OTUD7B: variants seen among roughly 807,000 people sequenced by gnomAD.
OTUD7B encodes the protein OTU domain-containing protein 7B.
In OTUD7B, 34 loss-of-function variants were observed where a neutral mutation model predicts 82.2. The ratio of observed to expected loss-of-function variants is 0.41; its 90% CI spans 0.31 to 0.55. The LOEUF (loss-of-function observed/expected upper bound fraction) is 0.55. OTUD7B is among the 20% of genes least tolerant of loss of function. The pLI, the probability that OTUD7B is intolerant of heterozygous loss-of-function variation, is 0.20. For synonymous variants in OTUD7B, 398 were observed against 402.7 expected, an observed-to-expected ratio of 0.99 and a Z score of 0.14; for missense variants, 944 against 1,062.1, an observed-to-expected ratio of 0.89 and a Z score of 1.55.
At chr1:150,026,519 G>A in the OTUD7B span, among the ~76,000 whole-genome samples, 1 of 152,110 alleles carries the variant, frequency 6.6e-6, no homozygotes, top group African/African-American at 2.4e-5. Context: ...AACCCAGCTT[G>A]TTTCAAGCAT....
At chr1:150,053,324 G>A in the OTUD7B span, among the ~76,000 whole-genome samples, 2 of 151,536 alleles carry the variant, frequency 1.3e-5, no homozygotes, top group East Asian at 1.9e-4. Context: ...GAACTTAAAC[G>A]AATTTACAAG....
chr1:149,957,876 C>T (rs1394509390), intron 7 of OTUD7B, among the ~76,000 whole-genome samples: 5 of 152,188 alleles, frequency 3.3e-5, no homozygotes, highest in African/African-American at 1.2e-4. Flanking sequence ...TTTGCTAAGA[C>T]CGTTGGAAAA....
chr1:149,971,177 G>T lies in OTUD7B; in HGVS notation c.160C>A (p.Pro54Thr). 6.2e-7 allele frequency: 1 copy of T among 1,613,778 alleles called. No homozygotes were observed. The highest frequency in any genetic ancestry group is 2.2e-5 in the East Asian group (1 of 44,888). ...CCACCACTCCCCTCACTAAAGGATG[G>T]GGGTAGGTTTCCAGCATGGACTTGA... is the stretch of plus-strand genomic sequence containing the variant. ...LRQVHAGNLPPSFSEGSGGSR... is the reference protein window; with the variant it reads ...LRQVHAGNLPTSFSEGSGGSR... Residue 54 changes from proline to threonine, a missense_variant, in exon 3 of 12, where the codon CCA becomes ACA. By Grantham distance (38) the Pro-to-Thr change is conservative. This residue lies in a region of OTUD7B where 530 missense variants were observed against 625.6 expected (regional missense o/e 0.85). Transcript: ENST00000581312.
the OTUD7B span, among the ~76,000 whole-genome samples, chr1:150,050,036 AC>A: frequency 6.6e-6 from 1 of 151,730 alleles, no homozygotes; most frequent in Admixed American, 6.6e-5. Context: ...GAACAGTGAG[AC>A]CCCCATCTGT....
the OTUD7B span, among the ~76,000 whole-genome samples, chr1:150,026,127 G>A: frequency 6.6e-6 from 1 of 152,218 alleles, no homozygotes; most frequent in East Asian, 1.9e-4. Context: ...GACTGAGAAA[G>A]TGCATGACCC....
At position 149,944,245 on chromosome 1, in the gene OTUD7B, A is replaced by G; in HGVS notation, c.2144T>C (p.Leu715Ser). ...GCCCCCGACACATGGACCCCCTGCC[A>G]ACTGCCTCCGGGGTTCCTGGCAGTG... ...GVHCQEPRRQLAGGPCVGGLP... is the reference protein window; with the variant it reads ...GVHCQEPRRQSAGGPCVGGLP... Residue 715 changes from leucine (L) to serine (S), a missense_variant, in exon 12 of 12, where the codon TTG (leucine) becomes TCG (serine). This residue lies in a region of OTUD7B where 412 missense variants were observed against 418.7 expected (regional missense o/e 0.98). Transcript: ENST00000581312. 6 of 1,612,442 alleles carry G rather than the reference A, an allele frequency of 3.7e-6. No homozygotes were observed. Among genetic ancestry groups the G allele is most frequent in the Non-Finnish European group, 5.1e-6 (6 of 1,179,000 alleles).
At chr1:149,984,829 T>A (rs965038774) in intron 1 of OTUD7B, among the ~76,000 whole-genome samples, 2 of 152,158 alleles carry the variant, frequency 1.3e-5, no homozygotes, top group African/African-American at 4.8e-5. Flanking sequence ...TCTTGCCTTA[T>A]CCACACAAAT....
intron 1 of OTUD7B, among the ~76,000 whole-genome samples, chr1:150,003,009 G>C (rs957405212): frequency 6.6e-6 from 1 of 152,124 alleles, no homozygotes; most frequent in African/African-American, 2.4e-5. Flanking sequence ...CCAGCACTTT[G>C]GGAGGCCGAG....
At chr1:149,945,653 G>A (rs1360289434) in intron 11 of OTUD7B, among the ~76,000 whole-genome samples, 1 of 152,128 alleles carries the variant, frequency 6.6e-6, no homozygotes, top group Non-Finnish European at 1.5e-5. Flanking sequence ...TGAATTAGGA[G>A]CTCTTTAAGC....
intron 7 of OTUD7B, among the ~76,000 whole-genome samples, chr1:149,951,721 T>A (rs587609216): frequency 6.6e-6 from 1 of 152,216 alleles, no homozygotes; most frequent in East Asian, 1.9e-4. Context: ...ATCAGCTTTT[T>A]AAATAACTCT....
At chr1:150,027,116 T>C in the OTUD7B span, among the ~76,000 whole-genome samples, 1 of 152,138 alleles carries the variant, frequency 6.6e-6, no homozygotes, top group South Asian at 2.1e-4. Context: ...TTGTGTTCTG[T>C]TGTGTTGTAT....
intron 1 of OTUD7B, among the ~76,000 whole-genome samples, chr1:149,994,993 T>C (rs1402842607): frequency 2.0e-5 from 3 of 152,196 alleles, no homozygotes; most frequent in African/African-American, 7.2e-5. Context: ...TTTGTTTACC[T>C]CAATCTTTTT....
chr1:150,049,036 C>T, the OTUD7B span, among the ~76,000 whole-genome samples: 24 of 152,170 alleles, frequency 1.6e-4, no homozygotes, highest in Admixed American at 1.4e-3. Context: ...TGAGGTTTCA[C>T]CATGTTGGCC....
chr1:149,950,487 T>C (rs1469684413), intron 7 of OTUD7B, among the ~76,000 whole-genome samples: 2 of 152,206 alleles, frequency 1.3e-5, no homozygotes, highest in African/African-American at 2.4e-5. Flanking sequence ...AGGTAATCCC[T>C]ATCTCTTAAT....
intron 9 of OTUD7B, 88 bp downstream of exon 9, chr1:149,949,541 T>C (rs1468388786): frequency 1.5e-6 from 2 of 1,358,338 alleles, no homozygotes; most frequent in African/African-American, 1.4e-5. Flanking sequence ...TGGGCTTGCA[T>C]GTCACTTAAT....
the OTUD7B span, among the ~76,000 whole-genome samples, chr1:150,016,032 A>G: frequency 6.6e-6 from 1 of 152,234 alleles, no homozygotes; most frequent in African/African-American, 2.4e-5. Flanking sequence ...GGCCAGACTG[A>G]CATACTGAGG....
chr1:150,011,942 T>A (rs1653086827), upstream of OTUD7B, among the ~76,000 whole-genome samples: 9 of 152,180 alleles, frequency 5.9e-5, no homozygotes, highest in Admixed American at 5.9e-4. Context: ...ACAGGGAAAC[T>A]TCCTAGACAG....
intron 9 of OTUD7B, 25 bp from the exon 10 acceptor site, chr1:149,949,108 A>C: frequency 7.2e-7 from 1 of 1,382,626 alleles, no homozygotes. Flanking sequence ...ACATATCATC[A>C]AGGAATCTCC....
At chr1:150,036,712 G>A in the OTUD7B span, among the ~76,000 whole-genome samples, 4 of 152,114 alleles carry the variant, frequency 2.6e-5, no homozygotes, top group African/African-American at 4.8e-5. Flanking sequence ...CAAAGGAGCG[G>A]ATCTAGAAAT....
Sources: allele counts gnomAD v4.1 joint callset (sites outside exome capture counted in the v4.1 genomes callset), GRCh38; gene constraint gnomAD v4.1.1; regional missense constraint gnomAD v4.1.1; transcripts MANE v1.5; gene names NCBI Gene and HGNC (gene_info 2026-07-23, HGNC 2026-07-21).